Variants in CKAP5 observed in about 807,000 individuals in gnomAD.
CKAP5 encodes the protein cytoskeleton-associated protein 5.
Under a neutral mutation model 232.8 loss-of-function variants are expected in CKAP5, and 27 were observed. The ratio of observed to expected loss-of-function variants is 0.12; its 90% confidence interval spans 0.09 to 0.16. The LOEUF is 0.16. CKAP5 is among the 10% of genes least tolerant of loss of function. The probability of loss-of-function intolerance (pLI) is 1.00; values close to 1 mark genes in which losing one functional copy is unlikely to be tolerated. For synonymous variants in CKAP5, 785 were observed against 841.1 expected (o/e 0.93, Z 1.16); for missense variants, 1,838 against 2,424.7 (o/e 0.76, Z 5.08).
At chr11:46,822,059 A>AAAATAT in intron 1 of CKAP5, among the ~76,000 whole-genome samples, 1 of 152,170 alleles carries the variant, frequency 6.6e-6, no homozygotes, top group Admixed American at 6.5e-5. Context: ...AGTCACTCAA[A>AAAATAT]AAATATAAAT....
intron 31 of CKAP5, chr11:46,762,426 C>G: frequency 1.2e-6 from 1 of 867,884 alleles, no homozygotes; most frequent in East Asian, 2.4e-5. Context: ...GATTTTGTCA[C>G]CAGGGTGATA....
rs1168439096 is a variant in CKAP5 at position 46,796,934 on chromosome 11, T to C, written c.1345A>G (p.Asn449Asp). ...TCTCTGACTTCAGGAGCAGAATCAT[T>C]GATGTGCTATAGTCCAGAAGTAAGC... Reference protein sequence around the residue: ...PFCAALLKHINDSAPEVRDAA... With the variant: ...PFCAALLKHIDDSAPEVRDAA... The change falls in exon 12 of 44, where the codon AAT (asparagine) becomes GAT (aspartate). Residue 449 changes from asparagine (N) to aspartate (D), a missense_variant. Asn to Asp is a conservative substitution (Grantham distance 23). Around this residue, in one of 6 missense-constraint regions of CKAP5, gnomAD observed 767 missense variants for 954.6 expected, o/e 0.80. Transcript: ENST00000529230. 6.2e-7 allele frequency: 1 copy of C among 1,613,912 alleles called. No homozygotes were observed. Among genetic ancestry groups the C allele is most frequent in the African/African-American group, 1.3e-5 (1 of 75,036 alleles).
At position 46,751,137 on chromosome 11, in the gene CKAP5, T is replaced by C. The variant is rs2065061576; in HGVS notation, c.5441A>G (p.Glu1814Gly). 1.2e-6 allele frequency: 2 copies of C among 1,614,064 alleles called. No homozygotes were observed. Among genetic ancestry groups the C allele is most frequent in the Admixed American group, 1.7e-5 (1 of 59,992 alleles). Reference protein sequence around the residue: ...QTGSKSDKETEKGASRIDEKS... With the variant: ...QTGSKSDKETGKGASRIDEKS... ...ACTCACTATTCGAGATGCTCCCTTTTCTGTTTCCTTATCAGACTTGCTCCC... is the reference window on the plus strand; with the variant it reads ...ACTCACTATTCGAGATGCTCCCTTTCCTGTTTCCTTATCAGACTTGCTCCC... The change falls in exon 40 of 44, where the codon GAA (glutamate) becomes GGA (glycine). Residue 1814 changes from glutamate to glycine, a missense_variant. Glu to Gly is a moderately conservative substitution (Grantham distance 98). Coordinates refer to ENST00000529230, the MANE Select transcript of CKAP5 (RefSeq NM_001008938.4).
intron 1 of CKAP5, among the ~76,000 whole-genome samples, chr11:46,832,495 A>AT (rs1306807710): frequency 1.3e-5 from 2 of 152,196 alleles, no homozygotes; most frequent in Non-Finnish European, 1.5e-5. Context: ...AGGTAGACAG[A>AT]TTGAGTTGTA....
intron 1 of CKAP5, among the ~76,000 whole-genome samples, chr11:46,843,270 AG>A (rs1257655553): frequency 2.6e-5 from 4 of 152,192 alleles, no homozygotes; most frequent in African/African-American, 9.6e-5. Context: ...CAAATGGGCA[AG>A]GGTCTCTTGG....
Position 46,770,976 on chromosome 11 carries a change from C to T in CKAP5, c.2998G>A (p.Gly1000Ser), listed in dbSNP as rs1417900986. 2 of 1,610,312 alleles carry T rather than the reference C, an allele frequency of 1.2e-6. No individual in the cohort carries two copies. Among genetic ancestry groups the T allele is most frequent in the Non-Finnish European group, 1.7e-6 (2 of 1,177,582 alleles). Residue 1000 changes from glycine (G) to serine (S), a missense_variant, in exon 25 of 44, where the codon GGC (glycine) becomes AGC (serine). Physicochemically the swap from Gly to Ser is moderately conservative, Grantham distance 56 (BLOSUM62 0). Around this residue, in one of 6 missense-constraint regions of CKAP5, gnomAD observed 767 missense variants for 954.6 expected, o/e 0.80. Transcript: ENST00000529230. ...ENPFLRQELL[G>S]WLAEKLPTLR... ...GTAGGTAGTTTCTCAGCCAGCCAGC[C>T]CAGAAGCTGCCAAAAGAAATAAAGA...
chr11:46,758,744 A>T, intron 35 of CKAP5, 179 bp downstream of exon 35: 1 of 589,594 alleles, frequency 1.7e-6, no homozygotes, highest in Non-Finnish European at 2.8e-6. Context: ...AGGCTCTATT[A>T]GAGTCACATC....
intron 2 of CKAP5, among the ~76,000 whole-genome samples, chr11:46,819,720 A>T (rs777184326): frequency 2.6e-5 from 4 of 151,956 alleles, no homozygotes; most frequent in Non-Finnish European, 5.9e-5. Context: ...TGCTATGCTC[A>T]CAGAAAAAAC....
intron 1 of CKAP5, among the ~76,000 whole-genome samples, chr11:46,838,793 CAAAA>C: frequency 2.2e-5 from 1 of 45,928 alleles, no homozygotes; most frequent in Admixed American, 4.1e-4. Flanking sequence ...GACCCCATCT[CAAAA>C]AAAAAAAAAA....
intron 16 of CKAP5, among the ~76,000 whole-genome samples, chr11:46,788,404 GTC>G (rs1209587545): frequency 1.3e-5 from 2 of 152,234 alleles, no homozygotes; most frequent in East Asian, 3.9e-4. Flanking sequence ...GAGAAACCGC[GTC>G]TCTACTAAAA....
At chr11:46,813,261 A>G in intron 4 of CKAP5, among the ~76,000 whole-genome samples, 1 of 152,172 alleles carries the variant, frequency 6.6e-6, no homozygotes, top group South Asian at 2.1e-4. Context: ...AACAAAAAAT[A>G]AGAAATTATA....
chr11:46,770,366 T>G, intron 25 of CKAP5: 1 of 410,188 alleles, frequency 2.4e-6, no homozygotes, highest in South Asian at 4.6e-5. Flanking sequence ...TATTTTTGCT[T>G]GTTACGATTT....
chr11:46,791,532 G>A (rs887140974), intron 13 of CKAP5, among the ~76,000 whole-genome samples: 1 of 152,120 alleles, frequency 6.6e-6, no homozygotes, highest in Admixed American at 6.6e-5. Context: ...AAATTAGCCA[G>A]GTGTGTTGGT....
At position 46,751,438 on chromosome 11, in the gene CKAP5, G is replaced by T; in HGVS notation, c.5230C>A (p.Pro1744Thr). The change falls in exon 39 of 44, where the codon CCC (proline) becomes ACC (threonine). Residue 1744 changes from proline to threonine, a missense_variant. Pro to Thr is a conservative substitution (Grantham distance 38). This residue lies in a region of CKAP5 where 579 missense variants were observed against 843.2 expected (regional missense o/e 0.69). Transcript: ENST00000529230. ...LDIHIFMKVFPKEKLKQCKSE... is the reference protein window; with the variant it reads ...LDIHIFMKVFTKEKLKQCKSE... ...TTGCATTGCTTCAGTTTCTCTTTGG[G>T]GAAGACCTTCATGAAAATGTGGATA... 2 of 1,614,024 alleles carry T rather than the reference G, an allele frequency of 1.2e-6. No homozygotes were observed. Among genetic ancestry groups the T allele is most frequent in the South Asian group, 2.2e-5 (2 of 91,076 alleles).
Position 46,770,684 on chromosome 11 carries a change from C to G in CKAP5, c.3186+104G>C, listed in dbSNP as rs566644148. The G allele has an allele frequency of 7.4e-5, 77 of 1,038,426 alleles. No individual in the cohort carries two copies. In the South Asian group the frequency reaches 1.2e-3, roughly 16 times the overall value. The allele number at this position is 1,038,426 out of a possible 1,614,324, so 64.3% of individuals were successfully genotyped here. On this transcript the variant is annotated intron_variant, in intron 25 of 43. Transcript: ENST00000529230. ...CCTCAGGTAATCCACCTGTCTCGGC[C>G]TCCCAAAGTGTTGGGATTACAGGCG... is the stretch of plus-strand genomic sequence containing the variant.
In CKAP5 at chr11:46,801,196, T is replaced by C; in HGVS notation, c.1083+4A>G. On this transcript the variant is annotated splice_donor_region_variant and intron_variant, in intron 9 of 43. Transcript: ENST00000529230. ...ATCTGTATCTAAAAAGGAGTGTTACTTACATGTCCTGCATATTGTCCAAAT... is the reference window on the plus strand; with the variant it reads ...ATCTGTATCTAAAAAGGAGTGTTACCTACATGTCCTGCATATTGTCCAAAT... 6.2e-7 allele frequency: 1 copy of C among 1,604,812 alleles called. No homozygotes were observed. Among genetic ancestry groups the C allele is most frequent in the Non-Finnish European group, 8.5e-7 (1 of 1,171,702 alleles).
intron 18 of CKAP5, among the ~76,000 whole-genome samples, chr11:46,781,275 C>G (rs1201458183): frequency 6.6e-6 from 1 of 152,160 alleles, no homozygotes; most frequent in Non-Finnish European, 1.5e-5. Flanking sequence ...TTTTAAATAT[C>G]TTATCAGTTA....
intron 15 of CKAP5, 141 bp from the exon 16 acceptor site, chr11:46,788,914 T>C (rs1158887399): frequency 1.1e-5 from 7 of 631,786 alleles, no homozygotes; most frequent in Non-Finnish European, 1.7e-5. Context: ...GGAGCTTATA[T>C]AGCTTCCGCT....
rs962712872 is a variant in CKAP5, at chr11:46,790,949, C to A, written c.1651-366G>T. Reference sequence around the variant, plus strand: ...TACAAGCATGTATCACTGAACCCGGCCTAAAACAGTGGTTTTTAAACTTTT... The same window carrying A: ...TACAAGCATGTATCACTGAACCCGGACTAAAACAGTGGTTTTTAAACTTTT... On this transcript the variant is annotated intron_variant, in intron 13 of 43. Transcript: ENST00000529230. Among the ~76,000 whole-genome samples, 10 of 152,252 alleles carry A rather than the reference C, an allele frequency of 6.6e-5. 2 individuals are homozygous for A. Among genetic ancestry groups the A allele is most frequent in the East Asian group, 1.9e-4 (1 of 5,176 alleles).
Sources: gnomAD v4.1 joint callset for allele counts (sites outside exome capture counted in the v4.1 genomes callset) on GRCh38, gnomAD v4.1.1 for gene constraint, gnomAD v4.1.1 regional missense constraint, MANE v1.5 for transcripts, NCBI Gene and HGNC (gene_info 2026-07-23, HGNC 2026-07-21) for gene names.